Variants in ITFG1 observed in about 807,000 individuals in gnomAD.
ITFG1 encodes T-cell immunomodulatory protein.
A neutral mutation model predicts 81.8 loss-of-function variants in ITFG1; 34 were observed. That is an observed-to-expected ratio of 0.42 (90% confidence interval 0.32 to 0.55). ITFG1 has a LOEUF of 0.55. ITFG1 is among the 20% of genes least tolerant of loss of function. The probability of loss-of-function intolerance (pLI) is 0.17; values close to 1 mark genes in which losing one functional copy is unlikely to be tolerated. For missense variants in ITFG1, 672 were observed against 755.4 expected (o/e 0.89, Z 1.29); for synonymous variants, 285 against 270.6 (o/e 1.05, Z -0.52).
At chr16:47,314,025 C>T (rs886284541) in intron 8 of ITFG1, among the ~76,000 whole-genome samples, 1 of 152,110 alleles carries the variant, frequency 6.6e-6, no homozygotes, top group African/African-American at 2.4e-5. Context: ...GTGTCTTGTT[C>T]TAAATTGCAC....
At chr16:47,339,781 A>G (rs1967757000) in intron 8 of ITFG1, among the ~76,000 whole-genome samples, 1 of 152,160 alleles carries the variant, frequency 6.6e-6, no homozygotes, top group Admixed American at 6.5e-5. Context: ...AAAAGAAAAG[A>G]GAACAAAGAG....
intron 14 of ITFG1, among the ~76,000 whole-genome samples, chr16:47,178,906 AG>A (rs1965063924): frequency 6.6e-6 from 1 of 152,240 alleles, no homozygotes; most frequent in African/African-American, 2.4e-5. Context: ...CCCATCAAAA[AG>A]TGGGCAAAGG....
chr16:47,211,926 T>G (rs1320404113), intron 14 of ITFG1, among the ~76,000 whole-genome samples: 1 of 151,932 alleles, frequency 6.6e-6, no homozygotes, highest in East Asian at 1.9e-4. Flanking sequence ...ATTTTTTTTC[T>G]TTCTTTTTTT....
chr16:47,180,532 G>A (rs571602017), intron 14 of ITFG1, among the ~76,000 whole-genome samples: 2 of 152,084 alleles, frequency 1.3e-5, no homozygotes, highest in Non-Finnish European at 2.9e-5. Flanking sequence ...GCAGGCACGC[G>A]CCGCCACGCC....
chr16:47,401,235 G>A (rs1017200909), intron 6 of ITFG1, among the ~76,000 whole-genome samples: 10 of 152,148 alleles, frequency 6.6e-5, no homozygotes, highest in Non-Finnish European at 1.5e-4. Context: ...CTGTGAAGAT[G>A]CTGTCACCCA....
intron 8 of ITFG1, among the ~76,000 whole-genome samples, chr16:47,333,504 C>A (rs1475654074): frequency 6.6e-6 from 1 of 152,236 alleles, no homozygotes; most frequent in African/African-American, 2.4e-5. Context: ...TGACTTTTTA[C>A]CTTATTTTGA....
intron 10 of ITFG1, among the ~76,000 whole-genome samples, chr16:47,297,905 A>G (rs1967008780): frequency 6.6e-6 from 1 of 152,200 alleles, no homozygotes; most frequent in Admixed American, 6.5e-5. Context: ...ATTTTAACGT[A>G]GTATTTCCTT....
At chr16:47,186,888 A>C (rs1399589785) in intron 14 of ITFG1, among the ~76,000 whole-genome samples, 1 of 152,224 alleles carries the variant, frequency 6.6e-6, no homozygotes, top group African/African-American at 2.4e-5. Flanking sequence ...AAATCTCCTT[A>C]AGCTGATAAG....
At chr16:47,417,624 G>A (rs1968890998) in intron 6 of ITFG1, among the ~76,000 whole-genome samples, 1 of 152,086 alleles carries the variant, frequency 6.6e-6, no homozygotes, top group Non-Finnish European at 1.5e-5. Flanking sequence ...ATATGAATGA[G>A]AACTTGTGAT....
intron 8 of ITFG1, among the ~76,000 whole-genome samples, chr16:47,359,942 A>C (rs922990173): frequency 2.0e-5 from 3 of 152,174 alleles, no homozygotes; most frequent in Non-Finnish European, 2.9e-5. Flanking sequence ...TAGAATTTAA[A>C]CTTCATGAGA....
At chr16:47,284,224 T>C (rs1433705763) in intron 10 of ITFG1, among the ~76,000 whole-genome samples, 2 of 152,198 alleles carry the variant, frequency 1.3e-5, no homozygotes, top group East Asian at 3.9e-4. Flanking sequence ...AACATGTGAA[T>C]TTTATGATAT....
At chr16:47,295,690 CT>C (rs2151556977) in intron 10 of ITFG1, among the ~76,000 whole-genome samples, 1 of 152,162 alleles carries the variant, frequency 6.6e-6, no homozygotes, top group Admixed American at 6.5e-5. Flanking sequence ...TTATCTGAAT[CT>C]TCTGTTTCTT....
chr16:47,332,040 T>A (rs951821157), intron 8 of ITFG1, among the ~76,000 whole-genome samples: 2 of 152,146 alleles, frequency 1.3e-5, no homozygotes, highest in Non-Finnish European at 2.9e-5. Flanking sequence ...AATAAAAGAC[T>A]CTTATGTATG....
chr16:47,270,664 C>T (rs1178837775), intron 10 of ITFG1, among the ~76,000 whole-genome samples: 4 of 152,108 alleles, frequency 2.6e-5, no homozygotes, highest in African/African-American at 7.2e-5. Flanking sequence ...TGCTCATCAA[C>T]GTGTAAATGG....
At chr16:47,281,897 G>A (rs1966455126) in intron 10 of ITFG1, among the ~76,000 whole-genome samples, 1 of 151,892 alleles carries the variant, frequency 6.6e-6, no homozygotes, top group Admixed American at 6.6e-5. Context: ...GGCTACAAGT[G>A]CAGTTTTGTT....
intron 14 of ITFG1, among the ~76,000 whole-genome samples, chr16:47,173,760 G>A (rs142209323): frequency 7.7e-4 from 117 of 152,208 alleles, no homozygotes; most frequent in African/African-American, 2.6e-3. Flanking sequence ...ATAAGTTTTC[G>A]CTGGGCGCAG....
At chr16:47,414,894 G>T (rs534738469) in intron 6 of ITFG1, among the ~76,000 whole-genome samples, 10 of 152,146 alleles carry the variant, frequency 6.6e-5, no homozygotes, top group Non-Finnish European at 1.3e-4. Flanking sequence ...CCTTATTGAA[G>T]CTTAGCCATT....
intron 6 of ITFG1, among the ~76,000 whole-genome samples, chr16:47,380,274 C>A (rs1968380081): frequency 6.6e-6 from 1 of 152,128 alleles, no homozygotes. Context: ...CAGATTCACG[C>A]AAAACTTCAT....
intron 6 of ITFG1, among the ~76,000 whole-genome samples, chr16:47,379,517 G>T (rs996607427): frequency 6.6e-6 from 1 of 151,938 alleles, no homozygotes; most frequent in Non-Finnish European, 1.5e-5. Flanking sequence ...GTGAAACTCC[G>T]TCTCTACTAA....
Sources: allele counts gnomAD v4.1 joint callset (sites outside exome capture counted in the v4.1 genomes callset), GRCh38; gene constraint gnomAD v4.1.1; transcripts MANE v1.5; gene names NCBI Gene and HGNC (gene_info 2026-07-23, HGNC 2026-07-21).